COL4A2: variants seen among roughly 807,000 people sequenced by gnomAD.
COL4A2 encodes collagen type IV alpha 2 chain.
Under a neutral mutation model 200.2 loss-of-function variants are expected in COL4A2, and 99 were observed. The observed-to-expected ratio is 0.49, with a 90% CI of 0.42 to 0.58. The LOEUF is 0.58. COL4A2 is among the 20% of genes least tolerant of loss of function. The pLI is 0.00. For synonymous variants in COL4A2, 897 were observed against 900.6 expected, an observed-to-expected ratio of 1.00 and a Z score of 0.07; for missense variants, 1,950 against 2,314.1, an observed-to-expected ratio of 0.84 and a Z score of 3.23.
At chr13:110,438,096 C>G (rs984591643) in intron 14 of COL4A2, 59 bp downstream of exon 14, 16 of 1,463,892 alleles carry the variant, frequency 1.1e-5, no homozygotes, top group African/African-American at 1.4e-5. Context: ...CGGCGCTCTG[C>G]CAGGCATGAC....
intron 47 of COL4A2, among the ~76,000 whole-genome samples, chr13:110,509,828 G>A (rs1435196603): frequency 6.6e-6 from 1 of 152,166 alleles, no homozygotes; most frequent in Non-Finnish European, 1.5e-5. Flanking sequence ...CGGCTCCTGG[G>A]TCAGGACAGA....
intron 10 of COL4A2, chr13:110,430,832 G>A (rs749587743): frequency 3.9e-6 from 3 of 776,322 alleles, no homozygotes; most frequent in Middle Eastern, 2.3e-4. Flanking sequence ...CTCTCTGCCA[G>A]TTATGTCAAA....
intron 3 of COL4A2, among the ~76,000 whole-genome samples, chr13:110,320,888 C>T (rs1235703539): frequency 6.6e-6 from 1 of 152,136 alleles, no homozygotes; most frequent in Non-Finnish European, 1.5e-5. Context: ...TTTTCTTCCT[C>T]ATTGGGTTTA....
At chr13:110,467,672 G>C (rs1264863797) in intron 27 of COL4A2, among the ~76,000 whole-genome samples, 12 of 152,200 alleles carry the variant, frequency 7.9e-5, no homozygotes, top group Non-Finnish European at 7.3e-5. Context: ...TGCAGGCCTG[G>C]CTGGCCACCA....
chr13:110,492,716 C>T (rs975693026), intron 38 of COL4A2, among the ~76,000 whole-genome samples: 4 of 152,204 alleles, frequency 2.6e-5, no homozygotes, highest in Admixed American at 2.6e-4. Flanking sequence ...ACCAAACATA[C>T]AGCAGTGGCG....
At chr13:110,436,403 T>A (rs1566531797) in intron 13 of COL4A2, 36 bp downstream of exon 13, 7 of 1,592,008 alleles carry the variant, frequency 4.4e-6, no homozygotes, top group Admixed American at 3.5e-5. Context: ...ATAGTTGAAA[T>A]AAAAAAAGGA....
At chr13:110,472,244 T>C (rs1469422476) in intron 28 of COL4A2, among the ~76,000 whole-genome samples, 2 of 151,890 alleles carry the variant, frequency 1.3e-5, no homozygotes, top group Non-Finnish European at 2.9e-5. Context: ...GCCTCCTGAG[T>C]AGCTGGGACT....
intron 3 of COL4A2, among the ~76,000 whole-genome samples, chr13:110,311,970 C>T (rs781230801): frequency 4.6e-5 from 7 of 152,214 alleles, no homozygotes; most frequent in Admixed American, 2.0e-4. Context: ...CCGGCAGCTG[C>T]GGTGGCAAGT....
chr13:110,372,876 A>T (rs1183828131), intron 4 of COL4A2, among the ~76,000 whole-genome samples: 2 of 152,104 alleles, frequency 1.3e-5, no homozygotes, highest in Non-Finnish European at 2.9e-5. Flanking sequence ...ATTGTCTGGG[A>T]TGTGCACACT....
chr13:110,508,374 C>A lies in COL4A2; in HGVS notation c.4881+153C>A. 8.0e-7 allele frequency: 1 copy of A among 1,243,808 alleles called. No homozygotes were observed. Among genetic ancestry groups the A allele is most frequent in the Non-Finnish European group, 1.1e-6 (1 of 902,654 alleles). 77.0% of individuals were successfully genotyped at this position (1,243,808 alleles called of 1,614,324 possible). A position where few individuals can be genotyped will look rare whatever the true frequency, so the allele number is the denominator to read the frequency against. ...CAGGAAGCGAGCGAGAGCTGGAACA[C>A]AGCTTACACTTGGCTAACTGAGCCA... is the stretch of plus-strand genomic sequence containing the variant. On this transcript the variant is annotated intron_variant, in intron 47 of 47. Transcript: ENST00000360467. This position sits in a 1 kb window ranked among gnomAD's most constrained non-coding sequence, Gnocchi z 6.1.
At chr13:110,321,919 C>G (rs1470036291) in intron 3 of COL4A2, among the ~76,000 whole-genome samples, 2 of 152,192 alleles carry the variant, frequency 1.3e-5, no homozygotes, top group Non-Finnish European at 2.9e-5. Flanking sequence ...TGGCCCCACC[C>G]TTGACATGTG....
intron 18 of COL4A2, among the ~76,000 whole-genome samples, chr13:110,448,517 A>G (rs970921181): frequency 1.3e-5 from 2 of 152,246 alleles, no homozygotes; most frequent in African/African-American, 2.4e-5. Flanking sequence ...TTGACTAACC[A>G]GCAGATTCCC....
At position 110,503,215 on chromosome 13, in the gene COL4A2, C is replaced by T; in HGVS notation, c.3972C>T (p.Thr1324=). The T allele has an allele frequency of 6.2e-7, 1 of 1,613,942 alleles. No homozygotes were observed. Among genetic ancestry groups the T allele is most frequent in the Non-Finnish European group, 8.5e-7 (1 of 1,179,972 alleles). ...GNPGAPGTPG[T]KGWAGDSGPQ... ...CAGGAGCTCCAGGAACCCCAGGGAC[C>T]AAAGGATGGGCCGGGGACTCCGGGC... The change falls in exon 42 of 48, where the codon ACC becomes ACT. Residue 1324 remains threonine (T), a synonymous_variant. Transcript: ENST00000360467.
chr13:110,316,265 G>C (rs1437772159), intron 3 of COL4A2, among the ~76,000 whole-genome samples: 1 of 152,204 alleles, frequency 6.6e-6, no homozygotes, highest in Non-Finnish European at 1.5e-5. Context: ...TGACTGTGGA[G>C]TAATGGGACC....
At chr13:110,445,390 C>T (rs2139475537) in intron 16 of COL4A2, among the ~76,000 whole-genome samples, 1 of 152,300 alleles carries the variant, frequency 6.6e-6, no homozygotes, top group East Asian at 1.9e-4. Flanking sequence ...GAACCTGCAC[C>T]TAGGGCAGCC....
intron 21 of COL4A2, 111 bp downstream of exon 21, chr13:110,457,546 C>A: frequency 1.4e-6 from 1 of 733,162 alleles, no homozygotes; most frequent in Non-Finnish European, 2.5e-6. Flanking sequence ...TGAAAATGAG[C>A]CTGCATGTCT....
At chr13:110,415,567 T>C (rs1880008278) in intron 4 of COL4A2, among the ~76,000 whole-genome samples, 1 of 152,228 alleles carries the variant, frequency 6.6e-6, no homozygotes, top group South Asian at 2.1e-4. Context: ...CAATGTGGTG[T>C]GTGTTTGTAT....
chr13:110,396,407 G>A (rs954982618), intron 4 of COL4A2, among the ~76,000 whole-genome samples: 1 of 152,232 alleles, frequency 6.6e-6, no homozygotes, highest in East Asian at 1.9e-4. Context: ...GGAAATGGGG[G>A]AGCGTGCACA....
intron 10 of COL4A2, among the ~76,000 whole-genome samples, chr13:110,431,354 A>G (rs902230916): frequency 3.9e-5 from 6 of 152,196 alleles, no homozygotes; most frequent in Non-Finnish European, 7.3e-5. Flanking sequence ...CTGAGAAAAA[A>G]ATGAAGTCAT....
Sources: gnomAD v4.1 joint callset for allele counts (sites outside exome capture counted in the v4.1 genomes callset) on GRCh38, gnomAD v4.1.1 for gene constraint, Gnocchi (gnomAD v3.1) non-coding constraint, MANE v1.5 for transcripts, NCBI Gene and HGNC (gene_info 2026-07-23, HGNC 2026-07-21) for gene names.